The following PTPN5 variants were observed in gnomAD, a reference collection of about 807,000 sequenced individuals.
PTPN5 encodes protein tyrosine phosphatase non-receptor type 5.
PTPN5 carries 29 observed loss-of-function variants against 73.9 expected under a neutral mutation model. The ratio of observed to expected loss-of-function variants is 0.39; its 90% CI spans 0.29 to 0.54. PTPN5 has a LOEUF of 0.54. PTPN5 is among the 20% of genes least tolerant of loss of function. The probability of loss-of-function intolerance (pLI) is 0.65; values close to 1 mark genes in which losing one functional copy is unlikely to be tolerated. For synonymous variants in PTPN5, 267 were observed against 304.7 expected (o/e 0.88, Z 1.29); for missense variants, 652 against 751.4 (o/e 0.87, Z 1.55).
chr11:18,735,199 T>C (rs1234449006), intron 9 of PTPN5, among the ~76,000 whole-genome samples: 3 of 152,084 alleles, frequency 2.0e-5, no homozygotes, highest in Admixed American at 6.5e-5. Flanking sequence ...GTAGGAGAAA[T>C]TGGGGAGGTA....
intron 3 of PTPN5, among the ~76,000 whole-genome samples, chr11:18,752,453 G>C (rs1849934420): frequency 6.6e-6 from 1 of 152,178 alleles, no homozygotes; most frequent in African/African-American, 2.4e-5. Flanking sequence ...GCCCCACCTG[G>C]ACATGGGCAG....
Position 18,772,088 on chromosome 11 carries a change from A to C in PTPN5, c.-113-17T>G, listed in dbSNP as rs1050510195. 26 of 635,202 alleles carry C rather than the reference A, an allele frequency of 4.1e-5. No homozygotes were observed. Among genetic ancestry groups the C allele is most frequent in the African/African-American group, 3.3e-4 (17 of 51,722 alleles). The allele number at this position is 635,202 out of a possible 1,614,324, so 39.3% of individuals were successfully genotyped here. A position where few individuals can be genotyped will look rare whatever the true frequency, so the allele number is the denominator to read the frequency against. ...ATCATCCAGCTGGGAAAACGGGGCA[A>C]AGAGAGATTAAGTGACTAGTCTCAG... On this transcript the variant is annotated splice_polypyrimidine_tract_variant and intron_variant, in intron 1 of 14. Coordinates refer to ENST00000358540, the MANE Select transcript of PTPN5 (RefSeq NM_006906.2).
chr11:18,751,065 C>T (rs1187696742), intron 3 of PTPN5, among the ~76,000 whole-genome samples: 1 of 152,306 alleles, frequency 6.6e-6, no homozygotes, highest in East Asian at 1.9e-4. Context: ...AGAAGGAATA[C>T]ACCCAATCAG....
chr11:18,777,924 T>A (rs75955961), intron 1 of PTPN5, among the ~76,000 whole-genome samples: 1 of 151,052 alleles, frequency 6.6e-6, no homozygotes, highest in Admixed American at 6.6e-5. Context: ...CAGCCCAGCT[T>A]ACAGGGCGAG....
chr11:18,729,303 C>T lies in PTPN5; in HGVS notation c.1604+150G>A. On this transcript the variant is annotated intron_variant, in intron 14 of 14. Transcript: ENST00000358540. This position sits in a 1 kb window ranked among gnomAD's most constrained non-coding sequence, Gnocchi z 5.2. ...GTCTGGATCCTGCCCCTCTACCCAG[C>T]TGTCCTCGCTACTCCTTGTCTGCCC... 1.6e-6 allele frequency: 1 copy of T among 627,268 alleles called. No individual in the cohort carries two copies. Among genetic ancestry groups the T allele is most frequent in the Non-Finnish European group, 2.9e-6 (1 of 347,856 alleles). 38.9% of individuals were successfully genotyped at this position (627,268 alleles called of 1,614,324 possible).
chr11:18,747,152 A>ATT (rs10618446), intron 3 of PTPN5, among the ~76,000 whole-genome samples: 1 of 148,164 alleles, frequency 6.7e-6, no homozygotes, highest in Non-Finnish European at 1.5e-5. Context: ...ACTTGGCTGC[A>ATT]TTTTTTTTTT....
At chr11:18,737,688 G>A (rs1437036788) in intron 9 of PTPN5, among the ~76,000 whole-genome samples, 192 bp downstream of exon 9, 1 of 152,180 alleles carries the variant, frequency 6.6e-6, no homozygotes, top group African/African-American at 2.4e-5. Flanking sequence ...AGAGAGTGCT[G>A]TGCGAGGAAA....
chr11:18,756,586 G>A (rs1850147204), intron 3 of PTPN5, among the ~76,000 whole-genome samples: 1 of 151,832 alleles, frequency 6.6e-6, no homozygotes, highest in South Asian at 2.1e-4. Flanking sequence ...CTGAGCCACT[G>A]CACCCAGCCC....
intron 3 of PTPN5, among the ~76,000 whole-genome samples, chr11:18,763,851 C>T (rs1450604561): frequency 6.6e-6 from 1 of 152,168 alleles, no homozygotes; most frequent in Non-Finnish European, 1.5e-5. Context: ...ACTGGAGCTC[C>T]AGCAAGGTTA....
At chr11:18,786,572 TA>T (rs1446583959) in intron 1 of PTPN5, among the ~76,000 whole-genome samples, 1 of 152,232 alleles carries the variant, frequency 6.6e-6, no homozygotes, top group Non-Finnish European at 1.5e-5. Context: ...TAACACTGCT[TA>T]AAAGAGAAAA....
At chr11:18,738,840 CG>C (rs1266553289) in intron 8 of PTPN5, among the ~76,000 whole-genome samples, 4 of 151,932 alleles carry the variant, frequency 2.6e-5, no homozygotes, top group Non-Finnish European at 4.4e-5. Context: ...GACCTGGTGG[CG>C]GGCCCCTGTA....
Position 18,733,785 on chromosome 11 carries a change from T to C in PTPN5, c.1001-150A>G, listed in dbSNP as rs1298502340. The C allele has an allele frequency of 2.7e-6, 2 of 734,776 alleles. No individual in the cohort carries two copies. The highest frequency in any genetic ancestry group is 1.7e-5 in the African/African-American group (1 of 57,596). 45.5% of individuals were successfully genotyped at this position (734,776 alleles called of 1,614,324 possible). On this transcript the variant is annotated intron_variant, in intron 9 of 14. Transcript: ENST00000358540. The surrounding 1 kb of genome is among the most constrained non-coding windows in gnomAD (Gnocchi z 4.3). ...CAGCAGCAAAACATTGACCCATTCA[T>C]GGTTCATTTTGTAGGTGAGGACTCA... is the stretch of plus-strand genomic sequence containing the variant.
chr11:18,762,185 G>A (rs544617566), intron 3 of PTPN5, among the ~76,000 whole-genome samples: 1 of 152,096 alleles, frequency 6.6e-6, no homozygotes, highest in African/African-American at 2.4e-5. Flanking sequence ...CTGGGTGATC[G>A]TGGTGGCTCG....
At chr11:18,753,089 C>T (rs1849966283) in intron 3 of PTPN5, among the ~76,000 whole-genome samples, 1 of 152,234 alleles carries the variant, frequency 6.6e-6, no homozygotes. Context: ...AGGCTGGGTT[C>T]TGGCTTGGGG....
At position 18,742,552 on chromosome 11, in the gene PTPN5, C is replaced by T. The variant is rs779786567; in HGVS notation, c.484-49G>A. 6 of 1,599,702 alleles carry T rather than the reference C, an allele frequency of 3.8e-6. No homozygotes were observed. The highest frequency in any genetic ancestry group is 2.1e-4 in the Middle Eastern group (1 of 4,822). ...AGATTTCGGACCACGCTGGCTGCCCCCCGTGTTCCTGGAGTGCCCATGGGA... is the reference window on the plus strand; with the variant it reads ...AGATTTCGGACCACGCTGGCTGCCCTCCGTGTTCCTGGAGTGCCCATGGGA... On this transcript the variant is annotated intron_variant, in intron 6 of 14. Transcript: ENST00000358540. This position sits in a 1 kb window ranked among gnomAD's most constrained non-coding sequence, Gnocchi z 4.1.
intron 2 of PTPN5, among the ~76,000 whole-genome samples, chr11:18,770,665 G>A (rs1000258701): frequency 4.6e-5 from 7 of 152,238 alleles, no homozygotes; most frequent in Admixed American, 2.6e-4. Context: ...TCCTTTCTGC[G>A]CTCTGGGTCT....
rs558045517 is a variant in PTPN5 at position 18,729,752 on chromosome 11, C to T, written c.1396G>A (p.Asp466Asn). 1 of 1,610,246 alleles carries T rather than the reference C, an allele frequency of 6.2e-7. No individual in the cohort carries two copies. The highest frequency in any genetic ancestry group is 1.1e-5 in the South Asian group (1 of 90,852). Residue 466 changes from aspartate to asparagine, a missense_variant, in exon 13 of 15, where the codon GAC becomes AAC. By Grantham distance (23) the Asp-to-Asn change is conservative (BLOSUM62 1). Coordinates refer to ENST00000358540, the MANE Select transcript of PTPN5 (RefSeq NM_006906.2). This position sits in a 1 kb window ranked among gnomAD's most constrained non-coding sequence, Gnocchi z 5.2. ...AGGTGCAGGAGTGGGGGGGCCCGGT[C>T]TGGGGTCTTCTGGTCGGGCCAGGAT... ...FTSWPDQKTP[D>N]RAPPLLHLVR...
chr11:18,756,931 A>AAC (rs1554920314), intron 3 of PTPN5, among the ~76,000 whole-genome samples: 2 of 135,420 alleles, frequency 1.5e-5, no homozygotes, highest in African/African-American at 5.3e-5. Flanking sequence ...CAAAAAAAAA[A>AAC]AAAAACCAAA....
rs1182180382 is a variant in PTPN5 at position 18,778,729 on chromosome 11, C to A, written c.-113-6658G>T. ...ACCAGTGCCCTGCTTCCTGTACAGG[C>A]TGGCCATGTGCCAATTAAACCTCTT... On this transcript the variant is annotated intron_variant, in intron 1 of 14. Coordinates refer to ENST00000358540, the MANE Select transcript of PTPN5 (RefSeq NM_006906.2). 2.0e-5 allele frequency among the ~76,000 whole-genome samples: 3 copies of A among 152,210 alleles called. No homozygotes were observed. The East Asian group carries it at 5.8e-4, about 29-fold the overall frequency.
Sources: gnomAD v4.1 joint callset for allele counts (sites outside exome capture counted in the v4.1 genomes callset) on GRCh38, gnomAD v4.1.1 for gene constraint, Gnocchi (gnomAD v3.1) non-coding constraint, MANE v1.5 for transcripts, NCBI Gene and HGNC (gene_info 2026-07-23, HGNC 2026-07-21) for gene names.